Variants in VSNL1 observed in about 807,000 individuals in gnomAD.
The protein encoded by VSNL1 is visinin like 1, also known as visinin-like protein 1.
A neutral mutation model predicts 20.4 loss-of-function variants in VSNL1; 6 were observed. That is an observed-to-expected ratio of 0.29 (90% confidence interval 0.16 to 0.58). VSNL1 has a LOEUF of 0.58. Among genes scored for constraint, VSNL1 ranks in the 20% least tolerant of loss-of-function variants. The pLI, the probability that VSNL1 is intolerant of heterozygous loss-of-function variation, is 0.90. For synonymous variants in VSNL1, 93 were observed against 86.4 expected (o/e 1.08, Z -0.42); for missense variants, 100 against 234.5 (o/e 0.43, Z 3.75).
Position 17,582,608 on chromosome 2 carries a change from G to C in VSNL1, c.-5-9462G>C, listed in dbSNP as rs570612128. Among the ~76,000 whole-genome samples the C allele has an allele frequency of 3.4e-4, 51 of 152,186 alleles. No individual in the cohort carries two copies. The South Asian group carries it at 0.011, about 32-fold the overall frequency. On this transcript the variant is annotated intron_variant, in intron 1 of 3. Transcript: ENST00000295156. ...TTTACATACAGAAACACGAAATAGA[G>C]AAGTTCAGAATGATGCCCAGACTCT...
At chr2:17,549,836 A>G in intron 1 of VSNL1, among the ~76,000 whole-genome samples, 1 of 152,232 alleles carries the variant, frequency 6.6e-6, no homozygotes, top group Non-Finnish European at 1.5e-5. Context: ...AAATATACTT[A>G]TCAACATTTC....
intron 2 of VSNL1, among the ~76,000 whole-genome samples, chr2:17,638,373 T>C (rs922310744): frequency 6.6e-6 from 1 of 152,210 alleles, no homozygotes; most frequent in African/African-American, 2.4e-5. Flanking sequence ...TAAACCAGTG[T>C]CTTTTTTCAA....
rs532447190 is a variant in VSNL1, at chr2:17,655,165, G to A, written c.379-32G>A. ...AGCTCTCTGTCCTCCTGGGTTTCTGGTAATATCACCTACAATGCTTTTTTC... is the reference window on the plus strand; with the variant it reads ...AGCTCTCTGTCCTCCTGGGTTTCTGATAATATCACCTACAATGCTTTTTTC... On this transcript the variant is annotated intron_variant, in intron 3 of 3. Coordinates refer to ENST00000295156, the MANE Select transcript of VSNL1 (RefSeq NM_003385.5). The surrounding 1 kb of genome is among the most constrained non-coding windows in gnomAD (Gnocchi z 5.2). 3 of 1,608,772 alleles carry A rather than the reference G, an allele frequency of 1.9e-6. No individual in the cohort carries two copies. The highest frequency in any genetic ancestry group is 1.7e-5 in the Admixed American group (1 of 59,850).
At chr2:17,600,032 CTTCCCTCTGTG>C (rs1178653581) in intron 2 of VSNL1, among the ~76,000 whole-genome samples, 1 of 152,224 alleles carries the variant, frequency 6.6e-6, no homozygotes, top group African/African-American at 2.4e-5. Flanking sequence ...AAAAGAGTCT[CTTCCCTCTGTG>C]TTCCCAAGAC....
intron 1 of VSNL1, among the ~76,000 whole-genome samples, chr2:17,542,168 T>G (rs1663298603): frequency 6.6e-6 from 1 of 151,990 alleles, no homozygotes; most frequent in Non-Finnish European, 1.5e-5. Flanking sequence ...TGAAAACACA[T>G]TTTACCCCCA....
intron 2 of VSNL1, among the ~76,000 whole-genome samples, chr2:17,616,953 C>T (rs1213052829): frequency 1.3e-5 from 2 of 152,066 alleles, no homozygotes; most frequent in Non-Finnish European, 2.9e-5. Flanking sequence ...AGAGAATGGC[C>T]TCCTTTGACA....
In VSNL1 at chr2:17,649,532, C is replaced by A; in HGVS notation, c.285C>A (p.Gly95=). The change falls in exon 3 of 4, where the codon GGC becomes GGA. Residue 95 remains glycine (G), a synonymous_variant. Transcript: ENST00000295156. This position sits in a 1 kb window ranked among gnomAD's most constrained non-coding sequence, Gnocchi z 6.4. ...FICALSITSR[G]SFEQKLNWAF... is the part of the protein sequence containing the mutation. Reference sequence around the variant, plus strand: ...GCGCTCTGTCCATCACCTCCAGGGGCAGCTTTGAGCAGAAGCTGAACTGGG... The same window carrying A: ...GCGCTCTGTCCATCACCTCCAGGGGAAGCTTTGAGCAGAAGCTGAACTGGG... 1 of 1,614,202 alleles carries A rather than the reference C, an allele frequency of 6.2e-7. No individual in the cohort carries two copies. The highest frequency in any genetic ancestry group is 8.5e-7 in the Non-Finnish European group (1 of 1,180,042).
rs1464273411 is a variant in VSNL1 at position 17,635,110 on chromosome 2, A to G, written c.163-14300A>G. 2.6e-5 allele frequency among the ~76,000 whole-genome samples: 4 copies of G among 152,138 alleles called. No homozygotes were observed. In the East Asian group the frequency reaches 5.8e-4, roughly 22 times the overall value. On this transcript the variant is annotated intron_variant, in intron 2 of 3. Coordinates refer to ENST00000295156, the MANE Select transcript of VSNL1 (RefSeq NM_003385.5). ...GCTGTTGGGCAGAAGTGGGAATTAA[A>G]TATCTCCCTGGTTGCTGCAAACACA...
chr2:17,610,559 C>T (rs550427219), intron 2 of VSNL1, among the ~76,000 whole-genome samples: 30 of 152,140 alleles, frequency 2.0e-4, no homozygotes, highest in Non-Finnish European at 3.1e-4. Flanking sequence ...AGTCCTAGTC[C>T]GCAAAATCAT....
chr2:17,568,129 C>T (rs1663997485), intron 1 of VSNL1, among the ~76,000 whole-genome samples: 2 of 151,718 alleles, frequency 1.3e-5, no homozygotes, highest in African/African-American at 4.8e-5. Flanking sequence ...TGGCCTCTCC[C>T]CTCATTTTCT....
chr2:17,551,896 T>TTA (rs1553298190), intron 1 of VSNL1, among the ~76,000 whole-genome samples: 1 of 116,810 alleles, frequency 8.6e-6, no homozygotes, highest in Admixed American at 9.2e-5. Context: ...GCAATTTTGT[T>TTA]AAAAAAAAAA....
intron 1 of VSNL1, among the ~76,000 whole-genome samples, chr2:17,546,489 T>C (rs984495426): frequency 6.6e-6 from 1 of 151,978 alleles, no homozygotes; most frequent in Non-Finnish European, 1.5e-5. Context: ...AATCAACAGA[T>C]CCTAATATTT....
intron 2 of VSNL1, among the ~76,000 whole-genome samples, chr2:17,640,255 A>AT (rs1665853940): frequency 6.7e-6 from 1 of 150,240 alleles, no homozygotes. Context: ...TCTGTTTCAA[A>AT]AAAAAAAAAA....
intron 2 of VSNL1, among the ~76,000 whole-genome samples, chr2:17,620,651 T>C (rs1558302880): frequency 6.6e-6 from 1 of 152,218 alleles, no homozygotes; most frequent in Non-Finnish European, 1.5e-5. Context: ...GTGAGCATTA[T>C]GCTATTCATG....
Position 17,655,525 on chromosome 2 carries a change from A to C in VSNL1, c.*131A>C. 2.4e-6 allele frequency: 2 copies of C among 843,762 alleles called. No homozygotes were observed. Among genetic ancestry groups the C allele is most frequent in the Non-Finnish European group, 3.6e-6 (2 of 553,002 alleles). 52.3% of individuals were successfully genotyped at this position (843,762 alleles called of 1,614,324 possible). A position where few individuals can be genotyped will look rare whatever the true frequency, so the allele number is the denominator to read the frequency against. On this transcript the variant is annotated 3_prime_UTR_variant, in exon 4 of 4. Coordinates refer to ENST00000295156, the MANE Select transcript of VSNL1 (RefSeq NM_003385.5). This position sits in a 1 kb window ranked among gnomAD's most constrained non-coding sequence, Gnocchi z 5.2. ...CAAATATTGCTTGGACTACCTATAA[A>C]TGGACTTGCTTCTTGTGTTTGAAAC...
rs1665726828 is a variant in VSNL1 at position 17,635,321 on chromosome 2, G to T, written c.163-14089G>T. ...ATCCTGACAGCAAGCTGTGGGCGGT[G>T]GGGAATCTGCAGGGATGGCTGATGA... On this transcript the variant is annotated intron_variant, in intron 2 of 3. Coordinates refer to ENST00000295156, the MANE Select transcript of VSNL1 (RefSeq NM_003385.5). 3.3e-5 allele frequency among the ~76,000 whole-genome samples: 5 copies of T among 152,170 alleles called. No individual in the cohort carries two copies. The South Asian group carries it at 1.0e-3, about 31-fold the overall frequency.
At chr2:17,583,246 C>A (rs1664392465) in intron 1 of VSNL1, among the ~76,000 whole-genome samples, 1 of 152,158 alleles carries the variant, frequency 6.6e-6, no homozygotes, top group African/African-American at 2.4e-5. Flanking sequence ...TCCTGATGAT[C>A]AATGCCTAAC....
chr2:17,635,334 G>A (rs936650879), intron 2 of VSNL1, among the ~76,000 whole-genome samples: 3 of 152,112 alleles, frequency 2.0e-5, no homozygotes, highest in African/African-American at 7.2e-5. Flanking sequence ...GAATCTGCAG[G>A]GATGGCTGAT....
rs764440710 is a variant in VSNL1 at position 17,556,592 on chromosome 2, C to T, written c.-6+15674C>T. Among the ~76,000 whole-genome samples the T allele has an allele frequency of 9.2e-5, 14 of 152,206 alleles. No homozygotes were observed. The East Asian group carries it at 9.7e-4, about 10-fold the overall frequency. The stretch of plus-strand genomic sequence containing the variant: ...TGCATGTAACATACTTAGGACAGAG[C>T]GGGGGATAGGGTAGATGTGTAAAAC... On this transcript the variant is annotated intron_variant, in intron 1 of 3. Transcript: ENST00000295156.
Sources: allele counts gnomAD v4.1 joint callset (sites outside exome capture counted in the v4.1 genomes callset), GRCh38; gene constraint gnomAD v4.1.1; non-coding constraint Gnocchi (gnomAD v3.1); transcripts MANE v1.5; gene names NCBI Gene and HGNC (gene_info 2026-07-23, HGNC 2026-07-21).